The following RALYL variants were observed in gnomAD, a reference collection of about 807,000 sequenced individuals.
RALYL encodes the protein RNA-binding Raly-like protein.
RALYL carries 29 observed loss-of-function variants against 35.1 expected under a neutral mutation model. The ratio of observed to expected loss-of-function variants is 0.83; its 90% CI spans 0.61 to 1.13. RALYL has a LOEUF of 1.13. Among genes scored for constraint, RALYL ranks in the 50% most tolerant of loss-of-function variants. RALYL has a pLI of 0.00. For missense variants in RALYL, 359 were observed against 360.4 expected, an observed-to-expected ratio of 1.00 and a Z score of 0.03; for synonymous variants, 120 against 127.6, an observed-to-expected ratio of 0.94 and a Z score of 0.40.
At chr8:84,861,796 G>C (rs556597031) in intron 5 of RALYL, among the ~76,000 whole-genome samples, 35 of 152,118 alleles carry the variant, frequency 2.3e-4, no homozygotes, top group African/African-American at 8.0e-4. Flanking sequence ...TCTTGAAGCT[G>C]GTTTTACTTT....
At position 84,365,740 on chromosome 8, in the gene RALYL, A is replaced by C. The variant is rs561379942; in HGVS notation, c.-23-163559A>C. Among the ~76,000 whole-genome samples, 16 of 152,336 alleles carry C rather than the reference A, an allele frequency of 1.1e-4. 1 individual carries two copies. The South Asian group carries it at 3.3e-3, about 32-fold the overall frequency. On this transcript the variant is annotated intron_variant, in intron 1 of 8. Coordinates refer to ENST00000521268, the MANE Select transcript of RALYL (RefSeq NM_173848.7). ...TGGATACAGACAACAGAAGGCAGTT[A>C]TGGGTTTTACTCAGAAAATGAATTT...
chr8:84,357,347 C>T (rs1169316067), intron 1 of RALYL, among the ~76,000 whole-genome samples: 2 of 152,044 alleles, frequency 1.3e-5, no homozygotes, highest in Non-Finnish European at 2.9e-5. Flanking sequence ...AGTGGCATCT[C>T]ATGCATTCCC....
intron 8 of RALYL, among the ~76,000 whole-genome samples, chr8:84,897,498 A>C (rs980299593): frequency 3.3e-5 from 5 of 152,166 alleles, no homozygotes; most frequent in African/African-American, 1.2e-4. Flanking sequence ...AAAACAATTT[A>C]TTTTTAAATT....
chr8:84,342,295 T>TATATATATATATATATAA lies in RALYL; in HGVS notation c.-24+157872_-24+157873insTATATATATATATATAAA, dbSNP rs1053647755. On this transcript the variant is annotated intron_variant, in intron 1 of 8. Transcript: ENST00000521268. ...ATCGTTCAATATATATATATATATA[T>TATATATATATATATATAA]AAAACTCAAAAAGTGTGGTCCTCCC... is the stretch of plus-strand genomic sequence containing the variant. Among the ~76,000 whole-genome samples the TATATATATATATATATAA allele has an allele frequency of 1.0e-4, 12 of 119,732 alleles. 2 individuals are homozygous for TATATATATATATATATAA. The highest frequency in any genetic ancestry group is 4.1e-4 in the African/African-American group (11 of 26,682). 78.5% of individuals were successfully genotyped at this position (119,732 alleles called of 152,430 possible).
At position 84,519,269 on chromosome 8, in the gene RALYL, G is replaced by A. The variant is rs1028436703; in HGVS notation, c.-23-10030G>A. ...ATTTAGCTGGAGTTTGTAGATTTGCGGATCTTATAATTTAAGAAAAATGAT... is the reference window on the plus strand; with the variant it reads ...ATTTAGCTGGAGTTTGTAGATTTGCAGATCTTATAATTTAAGAAAAATGAT... On this transcript the variant is annotated intron_variant, in intron 1 of 8. Transcript: ENST00000521268. Among the ~76,000 whole-genome samples the A allele has an allele frequency of 7.9e-5, 12 of 152,160 alleles. No individual in the cohort carries two copies. The East Asian group carries it at 1.9e-3, about 24-fold the overall frequency.
chr8:84,386,788 C>T (rs1258911283), intron 1 of RALYL, among the ~76,000 whole-genome samples: 4 of 151,868 alleles, frequency 2.6e-5, no homozygotes, highest in African/African-American at 7.2e-5. Context: ...TTCCTACCTC[C>T]TCTGTCCTGT....
intron 1 of RALYL, among the ~76,000 whole-genome samples, chr8:84,459,750 T>A (rs1219765242): frequency 9.2e-5 from 14 of 151,780 alleles, no homozygotes; most frequent in Admixed American, 9.2e-4. Flanking sequence ...TGGAGTAGAA[T>A]GTTTATGGAA....
intron 4 of RALYL, among the ~76,000 whole-genome samples, chr8:84,846,065 A>G (rs1238291915): frequency 6.6e-6 from 1 of 152,150 alleles, no homozygotes; most frequent in Non-Finnish European, 1.5e-5. Flanking sequence ...GAAGTAGGAT[A>G]ATGTGATGCC....
intron 8 of RALYL, among the ~76,000 whole-genome samples, chr8:84,906,741 T>C (rs1846568398): frequency 6.6e-6 from 1 of 151,076 alleles, no homozygotes; most frequent in Non-Finnish European, 1.5e-5. Context: ...TTTATCCAGA[T>C]AGCATTCAAG....
chr8:84,718,541 A>G (rs889193657), intron 2 of RALYL, among the ~76,000 whole-genome samples: 6 of 152,162 alleles, frequency 3.9e-5, no homozygotes, highest in Non-Finnish European at 5.9e-5. Context: ...AGGTGGGCAG[A>G]TCACCTGAGG....
intron 1 of RALYL, among the ~76,000 whole-genome samples, chr8:84,281,672 A>T (rs1459283699): frequency 6.6e-6 from 1 of 151,918 alleles, no homozygotes; most frequent in Admixed American, 6.6e-5. Flanking sequence ...TCTTTAATCT[A>T]CTCACCTGAA....
intron 3 of RALYL, among the ~76,000 whole-genome samples, chr8:84,792,664 A>C (rs1161771756): frequency 6.6e-6 from 1 of 152,146 alleles, no homozygotes; most frequent in Non-Finnish European, 1.5e-5. Context: ...ACAGCATGTA[A>C]GGTTGGAAGC....
chr8:84,512,862 A>G (rs1206736212), intron 1 of RALYL, among the ~76,000 whole-genome samples: 1 of 152,108 alleles, frequency 6.6e-6, no homozygotes, highest in African/African-American at 2.4e-5. Context: ...TTTCTGGGTT[A>G]TCAATATTGT....
At chr8:84,861,628 A>G (rs906490526) in intron 5 of RALYL, among the ~76,000 whole-genome samples, 2 of 152,198 alleles carry the variant, frequency 1.3e-5, no homozygotes, top group Non-Finnish European at 2.9e-5. Flanking sequence ...TATCTTGATA[A>G]ATATTTCCCA....
At chr8:84,838,631 T>C (rs765101133) in intron 4 of RALYL, among the ~76,000 whole-genome samples, 1 of 152,182 alleles carries the variant, frequency 6.6e-6, no homozygotes, top group Non-Finnish European at 1.5e-5. Context: ...AACCTGAGAA[T>C]CAAACAATTC....
At position 84,311,004 on chromosome 8, in the gene RALYL, G is replaced by A. The variant is rs1229765973; in HGVS notation, c.-24+126580G>A. Among the ~76,000 whole-genome samples, 41 of 107,178 alleles carry A rather than the reference G, an allele frequency of 3.8e-4. 2 individuals carry two copies. The highest frequency in any genetic ancestry group is 2.1e-3 in the East Asian group (7 of 3,414). 70.3% of individuals were successfully genotyped at this position (107,178 alleles called of 152,430 possible). ...GGAGCTTGCAGTGAGCCGAGATTGC[G>A]CCACTGCAGTCCGCAGTCCGACCTG... is the stretch of plus-strand genomic sequence containing the variant. On this transcript the variant is annotated intron_variant, in intron 1 of 8. Transcript: ENST00000521268.
chr8:84,494,842 G>T (rs112366037), intron 1 of RALYL, among the ~76,000 whole-genome samples: 6 of 152,064 alleles, frequency 3.9e-5, no homozygotes, highest in African/African-American at 1.4e-4. Context: ...GTGGTCTGCA[G>T]ACAGAGACAA....
chr8:84,224,311 A>G (rs1338734772), intron 1 of RALYL, among the ~76,000 whole-genome samples: 4 of 152,088 alleles, frequency 2.6e-5, no homozygotes, highest in Non-Finnish European at 4.4e-5. Context: ...TTCATTCTCA[A>G]AAAGGTGGAT....
intron 4 of RALYL, among the ~76,000 whole-genome samples, chr8:84,807,655 C>T (rs902444325): frequency 2.0e-5 from 3 of 152,192 alleles, no homozygotes; most frequent in Non-Finnish European, 2.9e-5. Flanking sequence ...GTTCCCTATT[C>T]ACTGCATCCA....
Sources: allele counts gnomAD v4.1 joint callset (sites outside exome capture counted in the v4.1 genomes callset), GRCh38; gene constraint gnomAD v4.1.1; transcripts MANE v1.5; gene names NCBI Gene and HGNC (gene_info 2026-07-23, HGNC 2026-07-21).